Variants in MED27 observed in about 807,000 individuals in gnomAD.
MED27 encodes mediator complex subunit 27, also known as mediator of RNA polymerase II transcription subunit 27.
MED27 carries 30 observed loss-of-function variants against 38.2 expected under a neutral mutation model. That is an observed-to-expected ratio of 0.79 (90% CI 0.59 to 1.07). MED27 has a LOEUF of 1.07. Ranked by LOEUF, MED27 falls within the 50% of genes least tolerant of loss-of-function variation. The pLI, the probability that MED27 is intolerant of heterozygous loss-of-function variation, is 0.00. For missense variants in MED27, 289 were observed against 397.5 expected (o/e 0.73, Z 2.32); for synonymous variants, 122 against 153.5 (o/e 0.79, Z 1.52).
chr9:131,907,660 C>T (rs371848889), intron 4 of MED27, among the ~76,000 whole-genome samples: 4 of 151,894 alleles, frequency 2.6e-5, no homozygotes, highest in East Asian at 3.9e-4. Flanking sequence ...AAGTGAGGAG[C>T]GTCTCTGCCT....
intron 3 of MED27, among the ~76,000 whole-genome samples, chr9:131,948,710 C>G (rs1003446512): frequency 6.6e-6 from 1 of 152,134 alleles, no homozygotes; most frequent in African/African-American, 2.4e-5. Context: ...AGGAAAGACA[C>G]TCAAAAACTT....
Position 131,900,600 on chromosome 9 carries a change from A to T in MED27, c.574-6608T>A, listed in dbSNP as rs77053224. Among the ~76,000 whole-genome samples the T allele has an allele frequency of 8.4e-3, 1,281 of 151,962 alleles. 20 individuals carry two copies. The highest frequency in any genetic ancestry group is 0.029 in the African/African-American group (1,215 of 41,448). Reference sequence around the variant, plus strand: ...CGGTATCTGCATCTAGGATCAGGGGAGGTGAGCTGACCAAAAACTTACCTG... The same window carrying T: ...CGGTATCTGCATCTAGGATCAGGGGTGGTGAGCTGACCAAAAACTTACCTG... On this transcript the variant is annotated intron_variant, in intron 4 of 7. Transcript: ENST00000292035.
chr9:131,934,770 T>C (rs1248166653), intron 4 of MED27, among the ~76,000 whole-genome samples: 1 of 152,202 alleles, frequency 6.6e-6, no homozygotes, highest in Admixed American at 6.5e-5. Flanking sequence ...CCCATGTTTG[T>C]TGCAGCACTG....
rs1838646469 is a variant in MED27 at position 131,861,233 on chromosome 9, C to G, written c.802-561G>C. On this transcript the variant is annotated intron_variant, in intron 7 of 7. Coordinates refer to ENST00000292035, the MANE Select transcript of MED27 (RefSeq NM_004269.4). The surrounding 1 kb of genome is among the most constrained non-coding windows in gnomAD (Gnocchi z 4.4). ...CAGCCCTGGTGCCACCAAATAACAT[C>G]ATAAGCAGCAAATCCACACTTGAAT... Among the ~76,000 whole-genome samples the G allele has an allele frequency of 6.6e-6, 1 of 152,088 alleles. No individual in the cohort carries two copies. The highest frequency in any genetic ancestry group is 6.6e-5 in the Admixed American group (1 of 15,266).
chr9:132,033,006 C>A (rs779857320), intron 2 of MED27, among the ~76,000 whole-genome samples: 19 of 152,202 alleles, frequency 1.2e-4, no homozygotes, highest in Non-Finnish European at 2.4e-4. Flanking sequence ...TTCTTATCCA[C>A]AATTGGTCTG....
chr9:132,012,245 T>C (rs997893665), intron 3 of MED27, among the ~76,000 whole-genome samples: 3 of 152,224 alleles, frequency 2.0e-5, no homozygotes, highest in Non-Finnish European at 4.4e-5. Context: ...CATTAGACTT[T>C]AGAGAGCTGA....
chr9:131,980,133 T>C (rs914387456), intron 3 of MED27, among the ~76,000 whole-genome samples: 5 of 146,992 alleles, frequency 3.4e-5, no homozygotes, highest in Non-Finnish European at 5.9e-5. Flanking sequence ...GTATATATTA[T>C]AGTGCCACAT....
chr9:131,886,922 G>T (rs1839150778), intron 5 of MED27, among the ~76,000 whole-genome samples: 1 of 152,182 alleles, frequency 6.6e-6, no homozygotes. Context: ...ACAGAGAGAA[G>T]CCAAAGATTC....
At chr9:131,947,976 A>G (rs1020868831) in intron 3 of MED27, among the ~76,000 whole-genome samples, 9 of 152,184 alleles carry the variant, frequency 5.9e-5, no homozygotes, top group Admixed American at 5.2e-4. Context: ...TGAGACTGAG[A>G]GGCCTTTGAC....
At chr9:131,958,154 C>T (rs1266862833) in intron 3 of MED27, among the ~76,000 whole-genome samples, 3 of 151,824 alleles carry the variant, frequency 2.0e-5, no homozygotes, top group Non-Finnish European at 4.4e-5. Flanking sequence ...GTAAGTTATA[C>T]TTCAAGTTGA....
intron 3 of MED27, among the ~76,000 whole-genome samples, chr9:132,006,979 G>T (rs568706033): frequency 6.6e-6 from 1 of 152,214 alleles, no homozygotes; most frequent in African/African-American, 2.4e-5. Context: ...AGCACCATGT[G>T]TAATTTCAAG....
At position 131,883,194 on chromosome 9, in the gene MED27, T is replaced by C. The variant is rs1348907244; in HGVS notation, c.723+864A>G. ...AGTGCTGGGGAGTGGACACCTGTTG[T>C]TGAGCTGGATGAGGGAATGAATGAG... On this transcript the variant is annotated intron_variant, in intron 6 of 7. Transcript: ENST00000292035. The surrounding 1 kb of genome is among the most constrained non-coding windows in gnomAD (Gnocchi z 4.2). Among the ~76,000 whole-genome samples the C allele has an allele frequency of 3.3e-5, 5 of 152,312 alleles. No individual in the cohort carries two copies. In the East Asian group the frequency reaches 9.6e-4, roughly 29 times the overall value.
At chr9:131,904,376 C>G (rs1830011975) in intron 4 of MED27, among the ~76,000 whole-genome samples, 1 of 151,764 alleles carries the variant, frequency 6.6e-6, no homozygotes, top group African/African-American at 2.4e-5. Flanking sequence ...AACACCCTGC[C>G]TAATAAGACG....
intron 3 of MED27, among the ~76,000 whole-genome samples, chr9:131,983,113 C>G (rs955327793): frequency 6.6e-6 from 1 of 152,140 alleles, no homozygotes; most frequent in East Asian, 1.9e-4. Flanking sequence ...TATTTTGTCC[C>G]AGGCATAATA....
chr9:131,944,729 A>C (rs542646803), intron 3 of MED27, among the ~76,000 whole-genome samples: 1 of 152,016 alleles, frequency 6.6e-6, no homozygotes, highest in East Asian at 1.9e-4. Flanking sequence ...ACAGGGTTTC[A>C]CCATGTTGGC....
At chr9:131,968,100 G>A (rs919047149) in intron 3 of MED27, among the ~76,000 whole-genome samples, 3 of 152,048 alleles carry the variant, frequency 2.0e-5, no homozygotes, top group African/African-American at 4.8e-5. Context: ...GATTACAGGC[G>A]TGAGCCACCA....
At chr9:131,864,751 A>G (rs1019748980) in intron 6 of MED27, among the ~76,000 whole-genome samples, 4 of 152,256 alleles carry the variant, frequency 2.6e-5, no homozygotes, top group Non-Finnish European at 4.4e-5. Flanking sequence ...CCGGCTCTGC[A>G]GCCAGGCAAG....
At chr9:132,000,873 A>G (rs2131056629) in intron 3 of MED27, among the ~76,000 whole-genome samples, 1 of 151,904 alleles carries the variant, frequency 6.6e-6, no homozygotes, top group East Asian at 1.9e-4. Context: ...GGCGTGAGCT[A>G]CCACGCCTAG....
chr9:131,928,317 C>T (rs1290234562), intron 4 of MED27, among the ~76,000 whole-genome samples: 3 of 152,152 alleles, frequency 2.0e-5, no homozygotes, highest in African/African-American at 7.2e-5. Context: ...GCAAGATGGC[C>T]AGACAGAAGC....
Sources: allele counts gnomAD v4.1 joint callset (sites outside exome capture counted in the v4.1 genomes callset), GRCh38; gene constraint gnomAD v4.1.1; non-coding constraint Gnocchi (gnomAD v3.1); transcripts MANE v1.5; gene names NCBI Gene and HGNC (gene_info 2026-07-23, HGNC 2026-07-21).